Variants in COMMD3 observed in about 807,000 individuals in gnomAD.
COMMD3 encodes the protein COMM domain containing 3.
In COMMD3, 31 loss-of-function variants were observed where a neutral mutation model predicts 31.2. That is an observed-to-expected ratio of 0.99 (90% CI 0.75 to 1.34). The LOEUF (loss-of-function observed/expected upper bound fraction) is 1.34, where lower values mean the gene tolerates loss of function less well. Among genes scored for constraint, COMMD3 ranks in the 40% most tolerant of loss-of-function variants. The probability of loss-of-function intolerance (pLI) is 0.00; values close to 1 mark genes in which losing one functional copy is unlikely to be tolerated. For synonymous variants in COMMD3, 108 were observed against 87.3 expected, an observed-to-expected ratio of 1.24 and a Z score of -1.32; for missense variants, 274 against 236.9, an observed-to-expected ratio of 1.16 and a Z score of -1.03.
Position 22,320,187 on chromosome 10 carries a change from C to G in COMMD3, c.*189C>G. The G allele has an allele frequency of 1.4e-6, 2 of 1,444,002 alleles. No individual in the cohort carries two copies. The highest frequency in any genetic ancestry group is 1.4e-5 in the South Asian group (1 of 72,610). 89.4% of individuals were successfully genotyped at this position (1,444,002 alleles called of 1,614,324 possible). A position where few individuals can be genotyped will look rare whatever the true frequency, so the allele number is the denominator to read the frequency against. ...AGGGTTAAGAGGGAAAGATACTGCC[C>G]AAGTATTTGAATCGTTTAGTAGTAA... is the stretch of plus-strand genomic sequence containing the variant. On this transcript the variant is annotated 3_prime_UTR_variant, in exon 8 of 8. Coordinates refer to ENST00000376836, the MANE Select transcript of COMMD3 (RefSeq NM_012071.4).
In COMMD3 at chr10:22,316,537, G is replaced by A; in HGVS notation, c.120G>A (p.Gln40=). ...RAAFQSLLDA[Q]ADEAVLDHPD... The stretch of plus-strand genomic sequence containing the variant: ...CATTCCAGAGTCTGCTGGACGCCCA[G>A]GCGGACGAGGCCGTGTTAGGTAAGC... Residue 40 remains glutamine, a synonymous_variant, in exon 1 of 8, where the codon CAG becomes CAA. Coordinates refer to ENST00000376836, the MANE Select transcript of COMMD3 (RefSeq NM_012071.4). The A allele has an allele frequency of 6.5e-7, 1 of 1,549,118 alleles. No individual in the cohort carries two copies. Among genetic ancestry groups the A allele is most frequent in the Non-Finnish European group, 8.7e-7 (1 of 1,145,886 alleles).
chr10:22,320,141 G>C lies in COMMD3; in HGVS notation c.*143G>C. 6.5e-7 allele frequency: 1 copy of C among 1,550,204 alleles called. No individual in the cohort carries two copies. The highest frequency in any genetic ancestry group is 8.7e-7 in the Non-Finnish European group (1 of 1,146,372). On this transcript the variant is annotated 3_prime_UTR_variant, in exon 8 of 8. Transcript: ENST00000376836. ...TGAATTTATACCATTCATCAATTTTGACACTTTAAAAACGTGTGAAAGGGT... is the reference window on the plus strand; with the variant it reads ...TGAATTTATACCATTCATCAATTTTCACACTTTAAAAACGTGTGAAAGGGT...
rs1481649082 is a variant in COMMD3 at position 22,318,136 on chromosome 10, G to T, written c.283G>T (p.Glu95Ter). ...TCTAGAAGACTGTAAATTTGACAGA[G>T]AGCGAATAGAACTGTTTTGCACGGA... ...TYLEDCKFDR[E>*]RIELFCTEYQ... Residue 95 changes from glutamate to a stop codon, truncating the protein, a stop_gained, in exon 3 of 8, where the codon GAG becomes TAG. Transcript: ENST00000376836. LOFTEE classifies it high-confidence loss of function. 2 of 1,612,858 alleles carry T rather than the reference G, an allele frequency of 1.2e-6. No homozygotes were observed. Among genetic ancestry groups the T allele is most frequent in the East Asian group, 4.5e-5 (2 of 44,812 alleles).
At position 22,318,661 on chromosome 10, in the gene COMMD3, G is replaced by C. The variant is rs1835899794; in HGVS notation, c.359G>C (p.Arg120Thr). The change falls in exon 5 of 8, where the codon AGA becomes ACA. Residue 120 changes from arginine (R) to threonine (T), a missense_variant. Coordinates refer to ENST00000376836, the MANE Select transcript of COMMD3 (RefSeq NM_012071.4). Reference sequence around the variant, plus strand: ...ATCATTGCATCTTTCAGTATAGGCAGATCTCTCCCTCATATAACGGATGTT... The same window carrying C: ...ATCATTGCATCTTTCAGTATAGGCACATCTCTCCCTCATATAACGGATGTT... ...SLEILLGSIG[R>T]SLPHITDVSW... 2 of 1,612,580 alleles carry C rather than the reference G, an allele frequency of 1.2e-6. No homozygotes were observed. Among genetic ancestry groups the C allele is most frequent in the African/African-American group, 2.7e-5 (2 of 74,866 alleles).
rs115904843 is a variant in COMMD3, at chr10:22,318,952, G to T, written c.469-7G>T. 1.5e-5 allele frequency: 24 copies of T among 1,611,532 alleles called. No homozygotes were observed. Among genetic ancestry groups the T allele is most frequent in the Non-Finnish European group, 1.9e-5 (22 of 1,179,354 alleles). Reference sequence around the variant, plus strand: ...TTTCTTGTTGCGTGTTTTTTTTCCTGCCCTAGAACACTGATTCCCCATCCT... The same window carrying T: ...TTTCTTGTTGCGTGTTTTTTTTCCTTCCCTAGAACACTGATTCCCCATCCT... On this transcript the variant is annotated splice_region_variant and splice_polypyrimidine_tract_variant and intron_variant, in intron 6 of 7. Coordinates refer to ENST00000376836, the MANE Select transcript of COMMD3 (RefSeq NM_012071.4).
Position 22,319,996 on chromosome 10 carries a change from T to G in COMMD3, c.586T>G (p.Ter196GluextTer40). Residue 196 changes from the stop codon to glutamate (E), a stop_lost, in exon 8 of 8, where the codon TAA becomes GAA. Coordinates refer to ENST00000376836, the MANE Select transcript of COMMD3 (RefSeq NM_012071.4). ...AAGCCTGGAAAGAGCAACTCAGTTG[T>G]AACTTGGGGAAGTTAACGATCCGCC... ...SKSLERATQL[*>E] is the part of the protein sequence containing the mutation. 1 of 1,614,184 alleles carries G rather than the reference T, an allele frequency of 6.2e-7. No homozygotes were observed. Among genetic ancestry groups the G allele is most frequent in the South Asian group, 1.1e-5 (1 of 91,090 alleles).
Position 22,320,076 on chromosome 10 carries a change from C to T in COMMD3, c.*78C>T. On this transcript the variant is annotated 3_prime_UTR_variant, in exon 8 of 8. Transcript: ENST00000376836. ...GCCTTCAGCTGAACCACCGTTTGTG[C>T]GAGCTGGATGTCCTTTTCAGTAGAA... 3.1e-6 allele frequency: 5 copies of T among 1,612,662 alleles called. No homozygotes were observed. The highest frequency in any genetic ancestry group is 1.1e-5 in the South Asian group (1 of 90,934).
In COMMD3 at chr10:22,319,961, A is replaced by G; in HGVS notation, c.551A>G (p.Asp184Gly). The change falls in exon 8 of 8, where the codon GAT (aspartate) becomes GGT (glycine). Residue 184 changes from aspartate to glycine, a missense_variant. Coordinates refer to ENST00000376836, the MANE Select transcript of COMMD3 (RefSeq NM_012071.4). ...TAGGACTTGGTGGGGAAACTTAAAG[A>G]TGCTTCGAAAAGCCTGGAAAGAGCA... is the stretch of plus-strand genomic sequence containing the variant. Reference protein sequence around the residue: ...QLQDLVGKLKDASKSLERATQ... With the variant: ...QLQDLVGKLKGASKSLERATQ... 1 of 1,614,098 alleles carries G rather than the reference A, an allele frequency of 6.2e-7. No individual in the cohort carries two copies.
At position 22,320,038 on chromosome 10, in the gene COMMD3, C is replaced by A; in HGVS notation, c.*40C>A. On this transcript the variant is annotated 3_prime_UTR_variant, in exon 8 of 8. Transcript: ENST00000376836. ...CGATCCGCCCGAGTGCAGAGGAAAACCAGAAACGCCTTGCCTTCAGCTGAA... is the reference window on the plus strand; with the variant it reads ...CGATCCGCCCGAGTGCAGAGGAAAAACAGAAACGCCTTGCCTTCAGCTGAA... 6.2e-7 allele frequency: 1 copy of A among 1,614,052 alleles called. No homozygotes were observed. Among genetic ancestry groups the A allele is most frequent in the Non-Finnish European group, 8.5e-7 (1 of 1,179,968 alleles).
chr10:22,319,153 G>A, intron 7 of COMMD3, 135 bp downstream of exon 7: 1 of 960,292 alleles, frequency 1.0e-6, no homozygotes, highest in East Asian at 2.7e-5. Flanking sequence ...AGGATTTAAT[G>A]GGAAAGGGGC....
intron 7 of COMMD3, 143 bp downstream of exon 7, chr10:22,319,161 G>A: frequency 1.2e-6 from 1 of 856,206 alleles, no homozygotes; most frequent in Admixed American, 3.3e-5. Context: ...ATGGGAAAGG[G>A]GCATCAAAAG....
In COMMD3 at chr10:22,318,942, T is replaced by G. The variant is rs1835906332; in HGVS notation, c.469-17T>G. 1 of 1,611,668 alleles carries G rather than the reference T, an allele frequency of 6.2e-7. No individual in the cohort carries two copies. On this transcript the variant is annotated splice_polypyrimidine_tract_variant and intron_variant, in intron 6 of 7. Transcript: ENST00000376836. ...ATAAACAGCGTTTCTTGTTGCGTGT[T>G]TTTTTTCCTGCCCTAGAACACTGAT... is the stretch of plus-strand genomic sequence containing the variant.
At chr10:22,318,371 G>T (rs1298415283) in intron 4 of COMMD3, 65 bp downstream of exon 4, 2 of 1,557,396 alleles carry the variant, frequency 1.3e-6, no homozygotes, top group Non-Finnish European at 1.7e-6. Flanking sequence ...GGAGAGTGTT[G>T]GTGTGAAACA....
Position 22,318,257 on chromosome 10 carries a change from C to G in COMMD3, c.316-15C>G. The G allele has an allele frequency of 6.3e-7, 1 of 1,599,612 alleles. No individual in the cohort carries two copies. Among genetic ancestry groups the G allele is most frequent in the Non-Finnish European group, 8.5e-7 (1 of 1,176,198 alleles). On this transcript the variant is annotated splice_polypyrimidine_tract_variant and intron_variant, in intron 3 of 7. Transcript: ENST00000376836. ...TTTTTTTTTCTTTCTTTCTTGCTTTCTTTTTTCTCTCCAGAATAATAAGAA... is the reference window on the plus strand; with the variant it reads ...TTTTTTTTTCTTTCTTTCTTGCTTTGTTTTTTCTCTCCAGAATAATAAGAA...
intron 1 of COMMD3, 46 bp downstream of exon 1, chr10:22,316,602 G>T (rs1835854943): frequency 2.1e-6 from 3 of 1,444,310 alleles, no homozygotes; most frequent in Non-Finnish European, 2.8e-6. Context: ...CGGGGTGGAG[G>T]GGCGCTCGGA....
intron 4 of COMMD3, 123 bp downstream of exon 4, chr10:22,318,429 A>C: frequency 2.2e-6 from 3 of 1,358,526 alleles, no homozygotes; most frequent in Admixed American, 4.5e-5. Context: ...AGGGCATGTC[A>C]AGCAATTGAA....
intron 7 of COMMD3, 184 bp from the exon 8 acceptor site, chr10:22,319,755 A>C (rs1431866204): frequency 1.3e-5 from 8 of 639,270 alleles, no homozygotes; most frequent in Non-Finnish European, 2.1e-5. Context: ...CGATTTGAAC[A>C]TGAGGTATTT....
chr10:22,320,303 C>T lies in COMMD3; in HGVS notation c.*305C>T, dbSNP rs1157910986. The T allele has an allele frequency of 2.0e-6, 1 of 500,074 alleles. No individual in the cohort carries two copies. Among genetic ancestry groups the T allele is most frequent in the East Asian group, 5.0e-5 (1 of 20,070 alleles). The allele number at this position is 500,074 out of a possible 1,614,324, so 31.0% of individuals were successfully genotyped here. ...TGAATAAATAAGGTGTTGTTTTCCA[C>T]AAAGAGTGATGATATTTTGTTTGGA... On this transcript the variant is annotated 3_prime_UTR_variant, in exon 8 of 8. Coordinates refer to ENST00000376836, the MANE Select transcript of COMMD3 (RefSeq NM_012071.4).
rs750402771 is a variant in COMMD3 at position 22,318,280 on chromosome 10, G to T, written c.324G>T (p.Lys108Asn). Residue 108 changes from lysine to asparagine, a missense_variant, in exon 4 of 8, where the codon AAG (lysine) becomes AAT (asparagine). Transcript: ENST00000376836. ...TTCTTTTTTCTCTCCAGAATAATAA[G>T]AATTCCCTAGAAATCCTACTGGGAA... ...ELFCTEYQNN[K>N]NSLEILLGSI... 1.7e-5 allele frequency: 28 copies of T among 1,601,478 alleles called. No individual in the cohort carries two copies. The highest frequency in any genetic ancestry group is 1.7e-4 in the Middle Eastern group (1 of 6,008).
Sources: allele counts gnomAD v4.1 joint callset, GRCh38; gene constraint gnomAD v4.1.1; transcripts MANE v1.5; gene names NCBI Gene and HGNC (gene_info 2026-07-23, HGNC 2026-07-21).